ZZEF1: variants seen among roughly 807,000 people sequenced by gnomAD.
The protein encoded by ZZEF1 is zinc finger ZZ-type and EF-hand domain-containing protein 1.
ZZEF1 carries 157 observed loss-of-function variants against 342.8 expected under a neutral mutation model. The ratio of observed to expected loss-of-function variants is 0.46; its 90% CI spans 0.40 to 0.52. The LOEUF (loss-of-function observed/expected upper bound fraction) is 0.52, where lower values mean the gene tolerates loss of function less well. Among genes scored for constraint, ZZEF1 ranks in the 20% least tolerant of loss-of-function variants. The pLI, the probability that ZZEF1 is intolerant of heterozygous loss-of-function variation, is 0.00. For synonymous variants in ZZEF1, 1,505 were observed against 1,429.1 expected (o/e 1.05, Z -1.20); for missense variants, 3,480 against 3,725.6 (o/e 0.93, Z 1.72).
At chr17:4,081,116 T>G (rs2057715321) in intron 18 of ZZEF1, among the ~76,000 whole-genome samples, 1 of 152,052 alleles carries the variant, frequency 6.6e-6, no homozygotes, top group African/African-American at 2.4e-5. Context: ...CGTGTGCCTG[T>G]GTCCCAGCTA....
Position 4,017,283 on chromosome 17 carries a change from C to CA in ZZEF1, c.8001+87_8001+88insT. The CA allele has an allele frequency of 9.9e-6, 15 of 1,513,102 alleles. No homozygotes were observed. Among genetic ancestry groups the CA allele is most frequent in the Non-Finnish European group, 1.3e-5 (15 of 1,130,962 alleles). 93.7% of individuals were successfully genotyped at this position (1,513,102 alleles called of 1,614,324 possible). On this transcript the variant is annotated intron_variant, in intron 48 of 54. Transcript: ENST00000381638. The surrounding 1 kb of genome is among the most constrained non-coding windows in gnomAD (Gnocchi z 5.1). ...GGGAGCTGCACAGCCACACAGGTAG[C>CA]CTCGCTCCAGGAAGCACTCACTGGA...
In ZZEF1 at chr17:4,013,443, G is replaced by A. The variant is rs746084002; in HGVS notation, c.8579+6C>T. On this transcript the variant is annotated splice_donor_region_variant and intron_variant, in intron 52 of 54. Coordinates refer to ENST00000381638, the MANE Select transcript of ZZEF1 (RefSeq NM_015113.4). ...GCAAAGGGCTGCCATCCGGGACACCGCTTACCTGTGGCCGCAGCATCGCAC... is the reference window on the plus strand; with the variant it reads ...GCAAAGGGCTGCCATCCGGGACACCACTTACCTGTGGCCGCAGCATCGCAC... 7.5e-6 allele frequency: 12 copies of A among 1,603,286 alleles called. No individual in the cohort carries two copies. The highest frequency in any genetic ancestry group is 1.3e-5 in the African/African-American group (1 of 74,652).
intron 49 of ZZEF1, among the ~76,000 whole-genome samples, chr17:4,015,372 G>A (rs560738474): frequency 1.2e-4 from 19 of 152,348 alleles, no homozygotes; most frequent in Non-Finnish European, 2.1e-4. Context: ...GTTCTAAATC[G>A]GTTTTCATCA....
intron 43 of ZZEF1, among the ~76,000 whole-genome samples, chr17:4,023,570 A>G (rs1156233075): frequency 6.6e-6 from 1 of 150,390 alleles, no homozygotes; most frequent in Non-Finnish European, 1.5e-5. Flanking sequence ...CTGTAACCCC[A>G]GCACTTCAAG....
intron 6 of ZZEF1, among the ~76,000 whole-genome samples, chr17:4,109,392 A>T (rs2058260438): frequency 6.6e-6 from 1 of 152,204 alleles, no homozygotes; most frequent in Non-Finnish European, 1.5e-5. Flanking sequence ...TAGTGAGCTG[A>T]TGAAGAACAC....
intron 39 of ZZEF1, among the ~76,000 whole-genome samples, chr17:4,039,915 A>G (rs1431610853): frequency 1.3e-5 from 2 of 152,140 alleles, no homozygotes; most frequent in African/African-American, 4.8e-5. Context: ...AAGTGCTGGG[A>G]TTACAGGCGT....
At position 4,112,641 on chromosome 17, in the gene ZZEF1, G is replaced by A. The variant is rs191600134; in HGVS notation, c.1034C>T (p.Thr345Met). ...HIPSNVTGYVTLLENANVSQL... is the reference protein window; with the variant it reads ...HIPSNVTGYVMLLENANVSQL... Reference sequence around the variant, plus strand: ...ACTGACGTTGGCATTTTCCAGCAGCGTCACATAGCCAGTGACATTGCTGGG... The same window carrying A: ...ACTGACGTTGGCATTTTCCAGCAGCATCACATAGCCAGTGACATTGCTGGG... Residue 345 changes from threonine to methionine, a missense_variant, in exon 5 of 55, where the codon ACG (threonine) becomes ATG (methionine). Physicochemically the swap from Thr to Met is moderately conservative, Grantham distance 81. Coordinates refer to ENST00000381638, the MANE Select transcript of ZZEF1 (RefSeq NM_015113.4). The A allele has an allele frequency of 1.5e-5, 24 of 1,614,132 alleles. No individual in the cohort carries two copies. The highest frequency in any genetic ancestry group is 2.7e-5 in the African/African-American group (2 of 75,016).
At chr17:4,098,811 G>A (rs866647492) in intron 9 of ZZEF1, among the ~76,000 whole-genome samples, 4 of 152,092 alleles carry the variant, frequency 2.6e-5, no homozygotes, top group Admixed American at 1.3e-4. Flanking sequence ...TCACACAGAC[G>A]CTCTATGATC....
intron 45 of ZZEF1, chr17:4,020,066 G>T: frequency 3.6e-6 from 1 of 278,836 alleles, no homozygotes; most frequent in Non-Finnish European, 6.7e-6. Context: ...CGTATTCACG[G>T]CTAGCGTCTC....
chr17:4,110,877 G>A (rs1257111813), intron 5 of ZZEF1, among the ~76,000 whole-genome samples: 3 of 152,074 alleles, frequency 2.0e-5, no homozygotes, highest in African/African-American at 7.2e-5. Context: ...ACCACGCCCG[G>A]CTAATTTTTG....
intron 9 of ZZEF1, among the ~76,000 whole-genome samples, chr17:4,098,225 G>C (rs1378846824): frequency 7.6e-6 from 1 of 132,334 alleles, no homozygotes; most frequent in Non-Finnish European, 1.6e-5. Flanking sequence ...CTGGGTGACA[G>C]AGTGAGACTC....
At chr17:4,098,241 C>CAAA (rs61342066) in intron 9 of ZZEF1, among the ~76,000 whole-genome samples, 2 of 103,382 alleles carry the variant, frequency 1.9e-5, no homozygotes, top group African/African-American at 4.0e-5. Context: ...GACTCCAACT[C>CAAA]AAAAAAAAAA....
intron 1 of ZZEF1, among the ~76,000 whole-genome samples, chr17:4,136,672 A>G (rs946292580): frequency 5.3e-5 from 8 of 152,130 alleles, no homozygotes; most frequent in African/African-American, 1.9e-4. Flanking sequence ...CCAGGTTGCT[A>G]TGAAAGGGGT....
At chr17:4,030,356 C>T (rs1284966487) in intron 42 of ZZEF1, among the ~76,000 whole-genome samples, 1 of 152,120 alleles carries the variant, frequency 6.6e-6, no homozygotes, top group Non-Finnish European at 1.5e-5. Context: ...AATGATGTAC[C>T]ATGCACTCAA....
chr17:4,087,741 ATATG>A (rs779337775), intron 13 of ZZEF1, among the ~76,000 whole-genome samples: 81 of 151,812 alleles, frequency 5.3e-4, no homozygotes, highest in Non-Finnish European at 8.2e-4. Flanking sequence ...TGTGTGTGTT[ATATG>A]TATGTATGTA....
intron 1 of ZZEF1, among the ~76,000 whole-genome samples, chr17:4,137,272 T>C (rs186736157): frequency 6.6e-6 from 1 of 152,240 alleles, no homozygotes; most frequent in Admixed American, 6.5e-5. Flanking sequence ...ACCAATACCA[T>C]TAACTCCCCC....
chr17:4,019,803 T>A, intron 45 of ZZEF1, 34 bp from the exon 46 acceptor site: 1 of 1,517,616 alleles, frequency 6.6e-7, no homozygotes. Flanking sequence ...ACAAGAACCA[T>A]TAACAGTGCT....
chr17:4,033,862 T>C lies in ZZEF1; in HGVS notation c.6584+153A>G, dbSNP rs760839943. On this transcript the variant is annotated intron_variant, in intron 40 of 54. Coordinates refer to ENST00000381638, the MANE Select transcript of ZZEF1 (RefSeq NM_015113.4). ...ACAGTTTTAATGTGGGTTGACAGCA[T>C]TGCTCATGAACCTAATTCTATTTCC... 3.3e-4 allele frequency: 332 copies of C among 1,017,274 alleles called. 1 individual carries two copies. Among genetic ancestry groups the C allele is most frequent in the South Asian group, 1.4e-3 (86 of 63,264 alleles). 63.0% of individuals were successfully genotyped at this position (1,017,274 alleles called of 1,614,324 possible). A position where few individuals can be genotyped will look rare whatever the true frequency, so the allele number is the denominator to read the frequency against.
At chr17:4,087,355 G>A in intron 14 of ZZEF1, 79 bp downstream of exon 14, 2 of 1,217,452 alleles carry the variant, frequency 1.6e-6, no homozygotes, top group East Asian at 2.4e-5. Flanking sequence ...AAAAAATTAG[G>A]AAAAAAATCC....
Sources: allele counts gnomAD v4.1 joint callset (sites outside exome capture counted in the v4.1 genomes callset), GRCh38; gene constraint gnomAD v4.1.1; non-coding constraint Gnocchi (gnomAD v3.1); transcripts MANE v1.5; gene names NCBI Gene and HGNC (gene_info 2026-07-23, HGNC 2026-07-21).